CHIA: variants seen among roughly 807,000 people sequenced by gnomAD.
The protein encoded by CHIA is acidic mammalian chitinase.
Under a neutral mutation model 53.5 loss-of-function variants are expected in CHIA, and 47 were observed. The observed-to-expected ratio is 0.88, with a 90% CI of 0.70 to 1.12. CHIA has a LOEUF of 1.12. CHIA is among the 50% of genes most tolerant of loss of function. The probability of loss-of-function intolerance (pLI) is 0.00; values close to 1 mark genes in which losing one functional copy is unlikely to be tolerated. For synonymous variants in CHIA, 268 were observed against 222.2 expected, an observed-to-expected ratio of 1.21 and a Z score of -1.83; for missense variants, 652 against 592.2, an observed-to-expected ratio of 1.10 and a Z score of -1.05.
chr1:111,319,008 C>T (rs1414799206), intron 9 of CHIA, 112 bp from the exon 10 acceptor site: 1 of 1,405,646 alleles, frequency 7.1e-7, no homozygotes, highest in Non-Finnish European at 9.5e-7. Flanking sequence ...AAACCTGTAA[C>T]TAGAAATTGA....
Position 111,320,416 on chromosome 1 carries a change from C to G in CHIA, c.1381C>G (p.Gln461Glu). The part of the protein sequence containing the change: ...VNGVTYQQNC[Q>E]AGLVFDTSCD... ...TGGAGTCACGTACCAGCAGAACTGCCAGGCCGGGCTTGTCTTCGACACCAG... is the reference window on the plus strand; with the variant it reads ...TGGAGTCACGTACCAGCAGAACTGCGAGGCCGGGCTTGTCTTCGACACCAG... Residue 461 changes from glutamine to glutamate, a missense_variant, in exon 12 of 12, where the codon CAG (glutamine) becomes GAG (glutamate). Coordinates refer to ENST00000369740, the MANE Select transcript of CHIA (RefSeq NM_201653.4). The G allele has an allele frequency of 6.2e-7, 1 of 1,614,184 alleles. No individual in the cohort carries two copies. Among genetic ancestry groups the G allele is most frequent in the Non-Finnish European group, 8.5e-7 (1 of 1,180,020 alleles).
At chr1:111,317,646 T>A (rs201890023) in intron 6 of CHIA, 35 bp from the exon 7 acceptor site, 24 of 1,613,020 alleles carry the variant, frequency 1.5e-5, no homozygotes, top group Non-Finnish European at 1.9e-5. Flanking sequence ...AAAATCAGCA[T>A]CATAGATGTC....
intron 1 of CHIA, among the ~76,000 whole-genome samples, chr1:111,300,676 G>A (rs1647647427): frequency 6.6e-6 from 1 of 152,088 alleles, no homozygotes; most frequent in Non-Finnish European, 1.5e-5. Context: ...GCATGGGCAA[G>A]GACTTCATGA....
chr1:111,291,864 A>G (rs1406333586), intron 1 of CHIA, among the ~76,000 whole-genome samples: 1 of 151,918 alleles, frequency 6.6e-6, no homozygotes, highest in Non-Finnish European at 1.5e-5. Flanking sequence ...GCATCAGGAT[A>G]AAGAGCTAAA....
intron 1 of CHIA, among the ~76,000 whole-genome samples, chr1:111,306,399 C>T (rs182110839): frequency 1.3e-5 from 2 of 151,976 alleles, no homozygotes; most frequent in East Asian, 3.9e-4. Context: ...AAGTAGTTAC[C>T]CACATGGAAA....
chr1:111,291,022 C>A, intron 1 of CHIA, 72 bp downstream of exon 1: 1 of 338,272 alleles, frequency 3.0e-6, no homozygotes, highest in Non-Finnish European at 5.8e-6. Context: ...TATCAATTTG[C>A]TTATTATATC....
At chr1:111,297,919 A>AAAAAAAAAAAAAAAG (rs1647330079) in intron 1 of CHIA, among the ~76,000 whole-genome samples, 1 of 149,464 alleles carries the variant, frequency 6.7e-6, no homozygotes, top group African/African-American at 2.4e-5. Context: ...AAAAAAAAAA[A>AAAAAAAAAAAAAAAG]AAAAAACAAG....
At chr1:111,293,073 A>G (rs1348478712) in intron 1 of CHIA, among the ~76,000 whole-genome samples, 2 of 152,160 alleles carry the variant, frequency 1.3e-5, no homozygotes, top group Non-Finnish European at 1.5e-5. Context: ...TTTGACACCA[A>G]GCTTTAAGTT....
At chr1:111,314,972 A>T (rs1346607349) in intron 5 of CHIA, 2 of 406,542 alleles carry the variant, frequency 4.9e-6, no homozygotes, top group Admixed American at 4.1e-5. Flanking sequence ...GACTTCTTGG[A>T]GGGTACATGT....
intron 1 of CHIA, among the ~76,000 whole-genome samples, chr1:111,308,141 T>A (rs1648346086): frequency 6.6e-6 from 1 of 152,228 alleles, no homozygotes. Context: ...GCAAGTTTGC[T>A]GGGGCTCTTA....
At chr1:111,303,875 G>A (rs954143878) in intron 1 of CHIA, among the ~76,000 whole-genome samples, 7 of 152,130 alleles carry the variant, frequency 4.6e-5, no homozygotes, top group African/African-American at 7.2e-5. Context: ...TCTAGTGTCT[G>A]TTTATTTCAT....
At chr1:111,313,685 T>C (rs1648893169) in intron 4 of CHIA, among the ~76,000 whole-genome samples, 1 of 152,202 alleles carries the variant, frequency 6.6e-6, no homozygotes, top group South Asian at 2.1e-4. Context: ...CTTTTGTTGC[T>C]GCACTTTCCA....
rs763181286 is a variant in CHIA, at chr1:111,314,542, A to T, written c.260A>T (p.Asn87Ile). 1.2e-6 allele frequency: 2 copies of T among 1,609,732 alleles called. No homozygotes were observed. The highest frequency in any genetic ancestry group is 1.7e-6 in the Non-Finnish European group (2 of 1,176,038). Residue 87 changes from asparagine (N) to isoleucine (I), a missense_variant and splice_region_variant, in exon 5 of 12, where the codon AAC (asparagine) becomes ATC (isoleucine). Coordinates refer to ENST00000369740, the MANE Select transcript of CHIA (RefSeq NM_201653.4). Reference protein sequence around the residue: ...YQAFNGLKNKNSQLKTLLAIG... With the variant: ...YQAFNGLKNKISQLKTLLAIG... Reference sequence around the variant, plus strand: ...TGTTTCTATCCTTTGTTTTACAGGAACAGCCAGCTGAAAACTCTCCTGGCC... The same window carrying T: ...TGTTTCTATCCTTTGTTTTACAGGATCAGCCAGCTGAAAACTCTCCTGGCC...
intron 1 of CHIA, 81 bp from the exon 2 acceptor site, chr1:111,310,319 G>C (rs1354183548): frequency 6.8e-7 from 1 of 1,468,830 alleles, no homozygotes; most frequent in African/African-American, 1.4e-5. Flanking sequence ...GAAGGTCTTG[G>C]GAGGGTGTTT....
At chr1:111,303,648 C>T (rs75836156) in intron 1 of CHIA, among the ~76,000 whole-genome samples, 1,680 of 152,230 alleles carry the variant, frequency 0.011, 32 homozygotes, top group African/African-American at 0.038. Context: ...CCATTCCCTA[C>T]CCCTTTCAGT....
chr1:111,310,356 T>G (rs1163467087), intron 1 of CHIA, 44 bp from the exon 2 acceptor site: 1 of 1,567,668 alleles, frequency 6.4e-7, no homozygotes, highest in Admixed American at 1.9e-5. Flanking sequence ...GTTGATTTAC[T>G]GATTAACTAC....
intron 1 of CHIA, among the ~76,000 whole-genome samples, chr1:111,299,215 G>A (rs1647491774): frequency 6.6e-6 from 1 of 152,166 alleles, no homozygotes; most frequent in East Asian, 1.9e-4. Context: ...AGAAAAAGAG[G>A]GAATCCTCCC....
rs139011540 is a variant in CHIA at position 111,304,209 on chromosome 1, C to T, written c.-68-6191C>T. On this transcript the variant is annotated intron_variant, in intron 1 of 11. Transcript: ENST00000369740. Reference sequence around the variant, plus strand: ...TAAAATTTGATTATATTGTGTCTTGCGTGGATTTCTTTGAGTTCATCTTAC... The same window carrying T: ...TAAAATTTGATTATATTGTGTCTTGTGTGGATTTCTTTGAGTTCATCTTAC... 3.7e-4 allele frequency among the ~76,000 whole-genome samples: 57 copies of T among 152,198 alleles called. No homozygotes were observed. The East Asian group carries it at 0.011, about 28-fold the overall frequency.
chr1:111,319,213 GACA>G lies in CHIA; in HGVS notation c.1013_1015del (p.Asn338del). On this transcript the variant is annotated inframe_deletion, in exon 10 of 12. Coordinates refer to ENST00000369740, the MANE Select transcript of CHIA (RefSeq NM_201653.4). ...TCAGGGCAATGTGTGGGTTGGCTAT[GACA>G]ACATCAAGAGCTTCGATATTAAGGT... is the stretch of plus-strand genomic sequence containing the variant. 1 of 1,614,196 alleles carries G rather than the reference GACA, an allele frequency of 6.2e-7. No homozygotes were observed. Among genetic ancestry groups the G allele is most frequent in the Non-Finnish European group, 8.5e-7 (1 of 1,180,044 alleles).
Sources: gnomAD v4.1 joint callset for allele counts (sites outside exome capture counted in the v4.1 genomes callset) on GRCh38, gnomAD v4.1.1 for gene constraint, MANE v1.5 for transcripts, NCBI Gene and HGNC (gene_info 2026-07-23, HGNC 2026-07-21) for gene names.